The following EDIL3 variants were observed in gnomAD, a reference collection of about 807,000 sequenced individuals.
EDIL3 encodes EGF like and discoidin domains 3.
EDIL3 carries 37 observed loss-of-function variants against 67.4 expected under a neutral mutation model. The observed-to-expected ratio is 0.55, with a 90% CI of 0.42 to 0.72. The LOEUF (loss-of-function observed/expected upper bound fraction) is 0.72. EDIL3 is among the 30% of genes least tolerant of loss of function. EDIL3 has a pLI of 0.00. For missense variants in EDIL3, 527 were observed against 586.3 expected (o/e 0.90, Z 1.04); for synonymous variants, 195 against 196.3 (o/e 0.99, Z 0.05).
intron 2 of EDIL3, among the ~76,000 whole-genome samples, chr5:84,252,493 C>CAAAAA (rs70975548): frequency 0.095 from 2,753 of 28,862 alleles, 566 homozygotes; most frequent in Middle Eastern, 0.19. Context: ...GACTCCGTCT[C>CAAAAA]AAAAAAAAAA....
chr5:84,332,935 T>C (rs144657604), intron 1 of EDIL3, among the ~76,000 whole-genome samples: 2 of 152,266 alleles, frequency 1.3e-5, no homozygotes, highest in African/African-American at 4.8e-5. Flanking sequence ...AGGGGAAAAA[T>C]TCCAGAATAA....
chr5:84,327,280 G>A (rs1746782384), intron 1 of EDIL3, among the ~76,000 whole-genome samples: 1 of 151,550 alleles, frequency 6.6e-6, no homozygotes, highest in African/African-American at 2.4e-5. Context: ...CTTTTTAATT[G>A]TTCCTACTGT....
chr5:84,145,562 T>A (rs1028102658), intron 4 of EDIL3, among the ~76,000 whole-genome samples: 1 of 152,098 alleles, frequency 6.6e-6, no homozygotes, highest in African/African-American at 2.4e-5. Context: ...TCTCTAAAAT[T>A]TCATTACTGG....
chr5:84,328,257 A>T (rs1746803409), intron 1 of EDIL3, among the ~76,000 whole-genome samples: 1 of 152,058 alleles, frequency 6.6e-6, no homozygotes, highest in Non-Finnish European at 1.5e-5. Flanking sequence ...TGTTTCTTAA[A>T]GTTGTGCCTT....
At chr5:84,137,103 G>T in intron 5 of EDIL3, 138 bp downstream of exon 5, 2 of 603,820 alleles carry the variant, frequency 3.3e-6, no homozygotes, top group Non-Finnish European at 5.4e-6. Flanking sequence ...AAATAATATT[G>T]ATTTTGGCCC....
chr5:84,384,339 C>A lies in EDIL3; in HGVS notation c.36G>T (p.Gly12=). 6.2e-7 allele frequency: 1 copy of A among 1,612,218 alleles called. No individual in the cohort carries two copies. Among genetic ancestry groups the A allele is most frequent in the Non-Finnish European group, 8.5e-7 (1 of 1,179,236 alleles). Residue 12 remains glycine (G), a synonymous_variant, in exon 1 of 11, where the codon GGG becomes GGT. Transcript: ENST00000296591. ...KRSVAVWLLV[G]LSLGVPQFGK... is the part of the protein sequence containing the mutation. ...CGAACTGGGGGACACCGAGGCTGAG[C>A]CCGACCAAGAGCCAGACGGCTACCG...
intron 1 of EDIL3, among the ~76,000 whole-genome samples, chr5:84,332,310 C>T (rs1226167305): frequency 6.6e-6 from 1 of 152,018 alleles, no homozygotes; most frequent in Non-Finnish European, 1.5e-5. Flanking sequence ...GGTTGGAAAC[C>T]ATAGTGAGCT....
chr5:84,120,753 A>C (rs1204430954), intron 5 of EDIL3, among the ~76,000 whole-genome samples: 1 of 152,046 alleles, frequency 6.6e-6, no homozygotes, highest in Non-Finnish European at 1.5e-5. Flanking sequence ...ATGAAACCAA[A>C]GGAAAATGTC....
chr5:84,038,799 T>G (rs890253140), intron 9 of EDIL3, among the ~76,000 whole-genome samples: 1 of 152,232 alleles, frequency 6.6e-6, no homozygotes, highest in African/African-American at 2.4e-5. Context: ...ATTTGTCTTT[T>G]GATTTAAAAT....
chr5:83,980,039 G>A (rs555959841), intron 9 of EDIL3, among the ~76,000 whole-genome samples: 2 of 152,186 alleles, frequency 1.3e-5, no homozygotes, highest in African/African-American at 4.8e-5. Context: ...ACCTCTCACT[G>A]TAACCAATAA....
intron 1 of EDIL3, among the ~76,000 whole-genome samples, chr5:84,342,716 T>C (rs1360984421): frequency 6.6e-6 from 1 of 152,128 alleles, no homozygotes; most frequent in Non-Finnish European, 1.5e-5. Context: ...ATTGATTACT[T>C]TTCTTTGAAA....
intron 1 of EDIL3, among the ~76,000 whole-genome samples, chr5:84,373,599 A>G (rs1337903460): frequency 1.3e-5 from 2 of 152,216 alleles, no homozygotes; most frequent in Non-Finnish European, 2.9e-5. Flanking sequence ...GATTTCATAA[A>G]GCAACAATGG....
At chr5:84,343,295 T>C (rs1216380241) in intron 1 of EDIL3, among the ~76,000 whole-genome samples, 1 of 152,096 alleles carries the variant, frequency 6.6e-6, no homozygotes, top group East Asian at 1.9e-4. Flanking sequence ...TAATACTCAC[T>C]GAGTTCAGTA....
chr5:84,338,156 C>T (rs1370905440), intron 1 of EDIL3, among the ~76,000 whole-genome samples: 1 of 152,070 alleles, frequency 6.6e-6, no homozygotes, highest in African/African-American at 2.4e-5. Context: ...GCTAGAATCT[C>T]CATAACCAAC....
At chr5:84,336,709 A>C (rs2044104988) in intron 1 of EDIL3, among the ~76,000 whole-genome samples, 1 of 152,162 alleles carries the variant, frequency 6.6e-6, no homozygotes, top group Non-Finnish European at 1.5e-5. Context: ...AGACATATTT[A>C]ATCTACAGTA....
At chr5:84,267,570 T>C (rs1745374747) in intron 1 of EDIL3, among the ~76,000 whole-genome samples, 2 of 152,196 alleles carry the variant, frequency 1.3e-5, no homozygotes, top group African/African-American at 2.4e-5. Flanking sequence ...CTTCCAATCT[T>C]CCTTGGAAAA....
intron 1 of EDIL3, among the ~76,000 whole-genome samples, chr5:84,329,494 CA>C (rs1381770575): frequency 6.6e-6 from 1 of 152,000 alleles, no homozygotes; most frequent in African/African-American, 2.4e-5. Flanking sequence ...TTGTATAGCT[CA>C]TTTGACTACA....
chr5:84,154,862 G>A (rs1028789915), intron 4 of EDIL3, among the ~76,000 whole-genome samples: 5 of 151,756 alleles, frequency 3.3e-5, no homozygotes. Flanking sequence ...ACCACGCCCA[G>A]CTAATTTTCG....
intron 1 of EDIL3, among the ~76,000 whole-genome samples, chr5:84,346,776 A>G (rs1456724485): frequency 6.6e-6 from 1 of 151,672 alleles, no homozygotes; most frequent in African/African-American, 2.4e-5. Flanking sequence ...TTTCTACTAG[A>G]AACTAATAAG....
Sources: allele counts gnomAD v4.1 joint callset (sites outside exome capture counted in the v4.1 genomes callset), GRCh38; gene constraint gnomAD v4.1.1; transcripts MANE v1.5; gene names NCBI Gene and HGNC (gene_info 2026-07-23, HGNC 2026-07-21).